PCDHGA12: variants seen among roughly 807,000 people sequenced by gnomAD.
PCDHGA12 encodes the protein protocadherin gamma-A12.
Under a neutral mutation model 61.1 loss-of-function variants are expected in PCDHGA12, and 43 were observed. The ratio of observed to expected loss-of-function variants is 0.70; its 90% CI spans 0.55 to 0.91. The LOEUF is 0.91. PCDHGA12 is among the 40% of genes least tolerant of loss of function. The pLI is 0.00. For synonymous variants in PCDHGA12, 520 were observed against 542.9 expected, an observed-to-expected ratio of 0.96 and a Z score of 0.59; for missense variants, 1,236 against 1,227.7, an observed-to-expected ratio of 1.01 and a Z score of -0.10.
intron 2 of PCDHGA12, among the ~76,000 whole-genome samples, chr5:141,503,365 G>A (rs2099819492): frequency 6.6e-6 from 1 of 152,020 alleles, no homozygotes; most frequent in East Asian, 1.9e-4. Flanking sequence ...GGGAAGCGGA[G>A]GCAGGTGGAT....
rs144222319 is a variant in PCDHGA12, at chr5:141,505,519, C to T, written c.2572+38C>T. ...AGTGTGTGTATGGAAGAGTGGGAGACCTGGGGTTCTGGGGTGCATCTCACA... is the reference window on the plus strand; with the variant it reads ...AGTGTGTGTATGGAAGAGTGGGAGATCTGGGGTTCTGGGGTGCATCTCACA... On this transcript the variant is annotated intron_variant, in intron 3 of 3. Coordinates refer to ENST00000252085, the MANE Select transcript of PCDHGA12 (RefSeq NM_003735.3). The T allele has an allele frequency of 1.5e-3, 2,491 of 1,613,690 alleles. 3 individuals carry two copies. The highest frequency in any genetic ancestry group is 2.6e-3 in the Middle Eastern group (16 of 6,060).
chr5:141,495,752 C>G (rs1310125902), intron 2 of PCDHGA12, among the ~76,000 whole-genome samples: 1 of 152,150 alleles, frequency 6.6e-6, no homozygotes, highest in Non-Finnish European at 1.5e-5. Flanking sequence ...TTCTCTATCT[C>G]TGCCTCCCTG....
At chr5:141,504,500 GAGTGGATCT>G (rs2099838791) in intron 2 of PCDHGA12, among the ~76,000 whole-genome samples, 1 of 152,072 alleles carries the variant, frequency 6.6e-6, no homozygotes, top group Non-Finnish European at 1.5e-5. Context: ...TGCCCAGTCT[GAGTGGATCT>G]CCTCTGATAT....
In PCDHGA12 at chr5:141,491,276, A is replaced by G; in HGVS notation, c.2425-3531A>G. The G allele has an allele frequency of 6.2e-7, 1 of 1,614,104 alleles. No individual in the cohort carries two copies. On this transcript the variant is annotated intron_variant, in intron 1 of 3. Coordinates refer to ENST00000252085, the MANE Select transcript of PCDHGA12 (RefSeq NM_003735.3). The surrounding 1 kb of genome is among the most constrained non-coding windows in gnomAD (Gnocchi z 6.9). ...CCTGAGGAAATGCCCAAATCCAGTG[A>G]CTTCCTCATACACCCTCCTGAGCGT...
rs1419365808 is a variant in PCDHGA12 at position 141,477,321 on chromosome 5, C to G, written c.2425-17486C>G. 1.2e-6 allele frequency: 2 copies of G among 1,614,160 alleles called. No homozygotes were observed. Among genetic ancestry groups the G allele is most frequent in the East Asian group, 4.5e-5 (2 of 44,874 alleles). On this transcript the variant is annotated intron_variant, in intron 1 of 3. Coordinates refer to ENST00000252085, the MANE Select transcript of PCDHGA12 (RefSeq NM_003735.3). The surrounding 1 kb of genome is among the most constrained non-coding windows in gnomAD (Gnocchi z 4.9). Reference sequence around the variant, plus strand: ...GGTCTCCCTTTCAGCCTTACTTCTTCCCTCAAGAATTACTTCACTTTGAAA... The same window carrying G: ...GGTCTCCCTTTCAGCCTTACTTCTTGCCTCAAGAATTACTTCACTTTGAAA...
At chr5:141,448,662 C>T (rs1242351797) in intron 1 of PCDHGA12, among the ~76,000 whole-genome samples, 1 of 151,980 alleles carries the variant, frequency 6.6e-6, no homozygotes, top group Non-Finnish European at 1.5e-5. Flanking sequence ...CCATATTGGC[C>T]GGGCGCGGTG....
At position 141,433,029 on chromosome 5, in the gene PCDHGA12, T is replaced by C. The variant is rs2097561523; in HGVS notation, c.2270T>C (p.Val757Ala). The change falls in exon 1 of 4, where the codon GTT becomes GCT. Residue 757 changes from valine (V) to alanine (A), a missense_variant. Val to Ala is a moderately conservative substitution (Grantham distance 64). Transcript: ENST00000252085. The stretch of plus-strand genomic sequence containing the variant: ...TTCCTGCAGACCTATTCCCACGAGG[T>C]TTCCCTCACCACGGACTCGCGGAAG... The part of the protein sequence containing the change: ...QAFLQTYSHE[V>A]SLTTDSRKSH... 1.2e-6 allele frequency: 2 copies of C among 1,613,998 alleles called. No homozygotes were observed. The highest frequency in any genetic ancestry group is 2.7e-5 in the African/African-American group (2 of 74,916).
intron 2 of PCDHGA12, among the ~76,000 whole-genome samples, chr5:141,496,207 T>C (rs973745475): frequency 6.6e-6 from 1 of 152,134 alleles, no homozygotes; most frequent in Non-Finnish European, 1.5e-5. Flanking sequence ...CAATCTGGTA[T>C]GAATTCCTGC....
intron 1 of PCDHGA12, chr5:141,440,945 A>T (rs1210278728): frequency 2.6e-5 from 4 of 152,234 alleles, no homozygotes; most frequent in African/African-American, 9.7e-5. Flanking sequence ...CCAGGACTAG[A>T]GTGTCAAGGC....
chr5:141,495,878 T>C (rs2099764378), intron 2 of PCDHGA12, among the ~76,000 whole-genome samples: 1 of 152,184 alleles, frequency 6.6e-6, no homozygotes, highest in African/African-American at 2.4e-5. Context: ...TTCCTCTCTG[T>C]TCTTTGTCTC....
At chr5:141,508,267 C>G (rs993402135) in intron 3 of PCDHGA12, 5 of 152,336 alleles carry the variant, frequency 3.3e-5, no homozygotes, top group African/African-American at 9.6e-5. Context: ...AAGAGAAAAT[C>G]CCGGTCCTTG....
chr5:141,511,581 T>C lies in PCDHGA12; in HGVS notation c.*408T>C, dbSNP rs2099883862. ...TCTTTCCCGAGTAAGGTGGTTGGGG[T>C]GTTGAAGTACCAAGTAACCTACAAG... On this transcript the variant is annotated 3_prime_UTR_variant, in exon 4 of 4. Transcript: ENST00000252085. 1 of 281,638 alleles carries C rather than the reference T, an allele frequency of 3.6e-6. No homozygotes were observed. The highest frequency in any genetic ancestry group is 2.2e-5 in the African/African-American group (1 of 46,302). 17.4% of individuals were successfully genotyped at this position (281,638 alleles called of 1,614,324 possible). A position where few individuals can be genotyped will look rare whatever the true frequency, so the allele number is the denominator to read the frequency against.
At chr5:141,454,811 T>TTTTTA (rs1284435092) in intron 1 of PCDHGA12, among the ~76,000 whole-genome samples, 4 of 125,862 alleles carry the variant, frequency 3.2e-5, no homozygotes, top group African/African-American at 1.3e-4. Context: ...TTTTTTTTTT[T>TTTTTA]TTTTTTTTTT....
At position 141,450,007 on chromosome 5, in the gene PCDHGA12, T is replaced by TA. The variant is rs57702245; in HGVS notation, c.2424+16824_2424+16825insA. Among the ~76,000 whole-genome samples the TA allele has an allele frequency of 5.9e-4, 19 of 31,956 alleles. No homozygotes were observed. In the African/African-American group the frequency reaches 7.8e-3, roughly 13 times the overall value. 21.0% of individuals were successfully genotyped at this position (31,956 alleles called of 152,430 possible). A position where few individuals can be genotyped will look rare whatever the true frequency, so the allele number is the denominator to read the frequency against. On this transcript the variant is annotated intron_variant, in intron 1 of 3. Coordinates refer to ENST00000252085, the MANE Select transcript of PCDHGA12 (RefSeq NM_003735.3). Reference sequence around the variant, plus strand: ...ACATTGCATTTAGTTGCCATGTCTCTTTTTTTTTTTTTTTTTTGAGACAGG... The same window carrying TA: ...ACATTGCATTTAGTTGCCATGTCTCTATTTTTTTTTTTTTTTTTGAGACAGG...
chr5:141,501,290 TAC>T (rs55762287), intron 2 of PCDHGA12, among the ~76,000 whole-genome samples: 11,544 of 136,022 alleles, frequency 0.085, 708 homozygotes, highest in East Asian at 0.37. Context: ...TATTCCCTTA[TAC>T]ACACACACAC....
chr5:141,432,093 C>A lies in PCDHGA12; in HGVS notation c.1334C>A (p.Thr445Asn). The A allele has an allele frequency of 1.2e-6, 2 of 1,614,170 alleles. No homozygotes were observed. Among genetic ancestry groups the A allele is most frequent in the Non-Finnish European group, 1.7e-6 (2 of 1,180,046 alleles). The change falls in exon 1 of 4, where the codon ACC becomes AAC. Residue 445 changes from threonine to asparagine, a missense_variant. Thr to Asn is a moderately conservative substitution (Grantham distance 65). Coordinates refer to ENST00000252085, the MANE Select transcript of PCDHGA12 (RefSeq NM_003735.3). The surrounding 1 kb of genome is among the most constrained non-coding windows in gnomAD (Gnocchi z 6.0). ...ETHISLNVAD[T>N]NDNPPVFPQA... is the part of the protein sequence containing the mutation. ...CATATCTCGCTGAACGTGGCAGACA[C>A]CAACGACAACCCGCCGGTCTTCCCT...
At chr5:141,510,124 A>G (rs2099879540) in intron 3 of PCDHGA12, among the ~76,000 whole-genome samples, 1 of 152,156 alleles carries the variant, frequency 6.6e-6, no homozygotes, top group Admixed American at 6.5e-5. Context: ...AAATACAAAA[A>G]TTAGCTGGGC....
In PCDHGA12 at chr5:141,477,428, T is replaced by C; in HGVS notation, c.2425-17379T>C. On this transcript the variant is annotated intron_variant, in intron 1 of 3. Transcript: ENST00000252085. The surrounding 1 kb of genome is among the most constrained non-coding windows in gnomAD (Gnocchi z 4.9). ...CCGAGACGCCGGAACCCCTTCCCTC[T>C]CAGCCCTTACAATAGTGCGTGTTCA... The C allele has an allele frequency of 6.2e-7, 1 of 1,614,142 alleles. No individual in the cohort carries two copies. Among genetic ancestry groups the C allele is most frequent in the Non-Finnish European group, 8.5e-7 (1 of 1,180,036 alleles).
chr5:141,443,788 A>C (rs1468852602), intron 1 of PCDHGA12, among the ~76,000 whole-genome samples: 2 of 152,224 alleles, frequency 1.3e-5, no homozygotes, highest in African/African-American at 4.8e-5. Context: ...AGACAAAAAA[A>C]ATGAAAAGGA....
Sources: gnomAD v4.1 joint callset for allele counts (sites outside exome capture counted in the v4.1 genomes callset) on GRCh38, gnomAD v4.1.1 for gene constraint, Gnocchi (gnomAD v3.1) non-coding constraint, MANE v1.5 for transcripts, NCBI Gene and HGNC (gene_info 2026-07-23, HGNC 2026-07-21) for gene names.